DIAPH1: variants seen among roughly 807,000 people sequenced by gnomAD.
DIAPH1 encodes the protein diaphanous related formin 1.
Under a neutral mutation model 140.7 loss-of-function variants are expected in DIAPH1, and 46 were observed. The ratio of observed to expected loss-of-function variants is 0.33; its 90% CI spans 0.26 to 0.42. The LOEUF (loss-of-function observed/expected upper bound fraction) is 0.42, where lower values mean the gene tolerates loss of function less well. DIAPH1 is among the 10% of genes least tolerant of loss of function. The probability of loss-of-function intolerance (pLI) is 1.00; values close to 1 mark genes in which losing one functional copy is unlikely to be tolerated. For missense variants in DIAPH1, 1,310 were observed against 1,558.7 expected (o/e 0.84, Z 2.69); for synonymous variants, 565 against 551.6 (o/e 1.02, Z -0.34).
intron 3 of DIAPH1, among the ~76,000 whole-genome samples, chr5:141,584,453 T>C (rs2154596622): frequency 6.6e-6 from 1 of 152,278 alleles, no homozygotes; most frequent in Middle Eastern, 3.4e-3. Context: ...ACACACTTTT[T>C]TTCTCTAAGA....
intron 1 of DIAPH1, among the ~76,000 whole-genome samples, chr5:141,594,997 C>T (rs1207269696): frequency 1.4e-5 from 2 of 146,872 alleles, no homozygotes; most frequent in Non-Finnish European, 3.0e-5. Flanking sequence ...GCCGAGATCA[C>T]GCCATTGCAC....
At position 141,583,765 on chromosome 5, in the gene DIAPH1, T is replaced by G. The variant is rs1055331193; in HGVS notation, c.403-150A>C. On this transcript the variant is annotated intron_variant, in intron 4 of 27. Transcript: ENST00000389054. ...TACGTTGCCCAGGCTGATTTCAAAC[T>G]CCTGGGCTCAAGTGATCCTTCTGCC... is the stretch of plus-strand genomic sequence containing the variant. The G allele has an allele frequency of 6.2e-6, 7 of 1,137,290 alleles. No homozygotes were observed. In the African/African-American group the frequency reaches 1.1e-4, roughly 18 times the overall value. The allele number at this position is 1,137,290 out of a possible 1,614,324, so 70.4% of individuals were successfully genotyped here.
At chr5:141,534,952 TTTTG>T (rs1407873095) in intron 18 of DIAPH1, among the ~76,000 whole-genome samples, 3 of 152,086 alleles carry the variant, frequency 2.0e-5, no homozygotes, top group Non-Finnish European at 4.4e-5. Context: ...GCTCCATCTT[TTTTG>T]TTTGTTTTTT....
intron 18 of DIAPH1, among the ~76,000 whole-genome samples, chr5:141,553,027 A>C (rs376892376): frequency 6.6e-6 from 1 of 151,878 alleles, no homozygotes; most frequent in East Asian, 2.0e-4. Flanking sequence ...GGTGGCTCAC[A>C]CCTGTAATCC....
intron 18 of DIAPH1, among the ~76,000 whole-genome samples, chr5:141,538,553 G>A (rs1302393155): frequency 6.6e-6 from 1 of 151,864 alleles, no homozygotes; most frequent in Non-Finnish European, 1.5e-5. Flanking sequence ...CTGCCTCAGC[G>A]TCCCGAGTAA....
At chr5:141,590,500 G>T (rs1473478959) in intron 1 of DIAPH1, among the ~76,000 whole-genome samples, 1 of 152,076 alleles carries the variant, frequency 6.6e-6, no homozygotes, top group Non-Finnish European at 1.5e-5. Context: ...AAGTCCCTTG[G>T]CATATAGAAG....
chr5:141,571,756 T>C (rs2099895228), intron 17 of DIAPH1, 170 bp downstream of exon 17: 1 of 715,228 alleles, frequency 1.4e-6, no homozygotes, highest in Non-Finnish European at 2.5e-6. Flanking sequence ...AACTCCATAA[T>C]ATTTAATACA....
At chr5:141,611,027 C>T (rs2099901756) in intron 1 of DIAPH1, among the ~76,000 whole-genome samples, 1 of 151,950 alleles carries the variant, frequency 6.6e-6, no homozygotes, top group African/African-American at 2.4e-5. Context: ...GAGGTCGATG[C>T]TGCAACTGAG....
intron 1 of DIAPH1, among the ~76,000 whole-genome samples, chr5:141,616,723 G>A (rs572487912): frequency 3.3e-5 from 5 of 152,270 alleles, no homozygotes; most frequent in South Asian, 2.1e-4. Context: ...TTCCAATTCC[G>A]TAGCTACTAA....
chr5:141,562,619 AC>A (rs1299399409), intron 18 of DIAPH1, among the ~76,000 whole-genome samples: 61 of 122,284 alleles, frequency 5.0e-4, no homozygotes, highest in African/African-American at 1.0e-3. Flanking sequence ...AAAAAAAAAA[AC>A]AAACAAAAAA....
At chr5:141,606,520 G>A (rs1056666951) in intron 1 of DIAPH1, among the ~76,000 whole-genome samples, 1 of 151,796 alleles carries the variant, frequency 6.6e-6, no homozygotes, top group African/African-American at 2.4e-5. Flanking sequence ...TCGGCCTCCC[G>A]GGTAGCTGGG....
intron 18 of DIAPH1, among the ~76,000 whole-genome samples, chr5:141,540,617 T>C (rs1439675086): frequency 1.3e-5 from 2 of 151,794 alleles, no homozygotes; most frequent in African/African-American, 4.8e-5. Flanking sequence ...GGTTTCGCCA[T>C]GTTGGCCAGG....
At chr5:141,586,927 G>A in intron 3 of DIAPH1, 115 bp downstream of exon 3, 2 of 1,116,950 alleles carry the variant, frequency 1.8e-6, no homozygotes, top group Non-Finnish European at 2.7e-6. Context: ...AAAGTTCCAT[G>A]TTAAGCCTGG....
At chr5:141,607,627 C>T (rs1013570399) in intron 1 of DIAPH1, among the ~76,000 whole-genome samples, 6 of 152,170 alleles carry the variant, frequency 3.9e-5, no homozygotes, top group Admixed American at 6.5e-5. Context: ...AACCTTAAAG[C>T]CCTTACCAGG....
chr5:141,583,440 T>C (rs767278487), intron 5 of DIAPH1, 45 bp downstream of exon 5: 2 of 1,614,154 alleles, frequency 1.2e-6, no homozygotes, highest in Non-Finnish European at 1.7e-6. Flanking sequence ...ACCAGTGAAG[T>C]CCAACATTTG....
chr5:141,547,208 G>A (rs774797934), intron 18 of DIAPH1, among the ~76,000 whole-genome samples: 8 of 152,330 alleles, frequency 5.3e-5, no homozygotes, highest in Middle Eastern at 3.4e-3. Flanking sequence ...AGCCAGGCGC[G>A]GTAATCCCGC....
chr5:141,584,069 G>T, intron 4 of DIAPH1, 55 bp downstream of exon 4: 1 of 1,144,580 alleles, frequency 8.7e-7, no homozygotes, highest in Non-Finnish European at 1.3e-6. Context: ...AAAAAAAACA[G>T]GTCCAAGACA....
At chr5:141,522,926 G>A (rs953205654) in intron 27 of DIAPH1, among the ~76,000 whole-genome samples, 2 of 152,166 alleles carry the variant, frequency 1.3e-5, no homozygotes, top group African/African-American at 2.4e-5. Flanking sequence ...CCTCAGAAGG[G>A]AGTATCACTC....
chr5:141,535,727 T>C lies in DIAPH1; in HGVS notation c.2483-1294A>G, dbSNP rs189389257. Among the ~76,000 whole-genome samples, 940 of 152,280 alleles carry C rather than the reference T, an allele frequency of 6.2e-3. 3 individuals are homozygous for C. Among genetic ancestry groups the C allele is most frequent in the Non-Finnish European group, 9.9e-3 (672 of 68,004 alleles). On this transcript the variant is annotated intron_variant, in intron 18 of 27. Transcript: ENST00000389054. ...AAACCAAGTAACTATTCTGGACAGA[T>C]ATAATTGTAAAATACTTTGTACTAT...
Sources: gnomAD v4.1 joint callset for allele counts (sites outside exome capture counted in the v4.1 genomes callset) on GRCh38, gnomAD v4.1.1 for gene constraint, MANE v1.5 for transcripts, NCBI Gene and HGNC (gene_info 2026-07-23, HGNC 2026-07-21) for gene names.